ZNF273: variants seen among roughly 807,000 people sequenced by gnomAD.
The protein encoded by ZNF273 is zinc finger protein 9.
A neutral mutation model predicts 14.9 loss-of-function variants in ZNF273; 11 were observed. The ratio of observed to expected loss-of-function variants is 0.74; its 90% confidence interval spans 0.46 to 1.22. The LOEUF (loss-of-function observed/expected upper bound fraction) is 1.22, where lower values mean the gene tolerates loss of function less well. Ranked by LOEUF, ZNF273 falls within the 50% of genes most tolerant of loss-of-function variation. The probability of loss-of-function intolerance (pLI) is 0.00; values close to 1 mark genes in which losing one functional copy is unlikely to be tolerated. For synonymous variants in ZNF273, 199 were observed against 223.9 expected (o/e 0.89, Z 0.99); for missense variants, 577 against 660.6 (o/e 0.87, Z 1.39).
In ZNF273 at chr7:64,930,891, A is replaced by C. The variant is rs1406596079; in HGVS notation, c.*1853A>C. The C allele has an allele frequency of 6.6e-6, 1 of 152,132 alleles. No individual in the cohort carries two copies. The highest frequency in any genetic ancestry group is 1.5e-5 in the Non-Finnish European group (1 of 67,972). 9.4% of individuals were successfully genotyped at this position (152,132 alleles called of 1,614,324 possible). A position where few individuals can be genotyped will look rare whatever the true frequency, so the allele number is the denominator to read the frequency against. On this transcript the variant is annotated 3_prime_UTR_variant, in exon 4 of 4. Coordinates refer to ENST00000476120, the MANE Select transcript of ZNF273 (RefSeq NM_021148.3). The stretch of plus-strand genomic sequence containing the variant: ...TTTGTATTTTATTTTAAAATGTACA[A>C]CTAAATTGTTATGGACTACAGGGTT...
In ZNF273 at chr7:64,927,559, C is replaced by T. The variant is rs1179111974; in HGVS notation, c.326-95C>T. ...CTGTGGTATTTTGCTATACCATCTT[C>T]CTTATGTAGTTTGTATATTTTTATA... On this transcript the variant is annotated intron_variant, in intron 3 of 3. Coordinates refer to ENST00000476120, the MANE Select transcript of ZNF273 (RefSeq NM_021148.3). 1.3e-5 allele frequency: 14 copies of T among 1,095,168 alleles called. No individual in the cohort carries two copies. The South Asian group carries it at 1.7e-4, about 13-fold the overall frequency. The allele number at this position is 1,095,168 out of a possible 1,614,324, so 67.8% of individuals were successfully genotyped here. A position where few individuals can be genotyped will look rare whatever the true frequency, so the allele number is the denominator to read the frequency against.
chr7:64,889,535 C>A (rs1245314042), downstream of ZNF273: 13 of 985,698 alleles, frequency 1.3e-5, no homozygotes, highest in Non-Finnish European at 1.6e-5. The surrounding 1 kb of genome is among the most constrained non-coding windows in gnomAD (Gnocchi z 4.2). Context: ...CCTGGTGCCA[C>A]GCGGTCCTCT....
At chr7:64,878,169 C>T (rs1196625696) in intron 1 of ZNF273, among the ~76,000 whole-genome samples, 3 of 151,870 alleles carry the variant, frequency 2.0e-5, no homozygotes, top group East Asian at 1.9e-4. Flanking sequence ...GCTTGGGCTG[C>T]GGGGCGGCGT....
At chr7:64,903,220 C>T, upstream of ZNF273, 2 of 996,212 alleles carry the variant, frequency 2.0e-6, no homozygotes, top group Non-Finnish European at 3.0e-6. Flanking sequence ...CCCGTCCAAT[C>T]AGGCACGCAG....
chr7:64,914,182 ATTTTTTTTTTTTTT>A (rs375695781), intron 1 of ZNF273, among the ~76,000 whole-genome samples: 6 of 70,906 alleles, frequency 8.5e-5, no homozygotes, highest in East Asian at 3.7e-4. Context: ...TAATTTTTGT[ATTTTTTTTTTTTTT>A]TTTTTTTTTT....
intron 1 of ZNF273, among the ~76,000 whole-genome samples, chr7:64,905,848 C>A (rs1793081303): frequency 6.6e-6 from 1 of 152,140 alleles, no homozygotes; most frequent in African/African-American, 2.4e-5. Context: ...AAGATTTCTT[C>A]ACTTTTTTTG....
Position 64,928,897 on chromosome 7 carries a change from T to C in ZNF273, c.1569T>C (p.Phe523=). ...PYKCEECGKA[F]NRSSNLTRHK... is the part of the protein sequence containing the mutation. ...AATGTGAAGAATGTGGCAAAGCTTT[T>C]AACCGGTCCTCAAACCTTACTCGAC... Residue 523 remains phenylalanine (F), a synonymous_variant, in exon 4 of 4, where the codon TTT becomes TTC. Transcript: ENST00000476120. 1 of 1,614,048 alleles carries C rather than the reference T, an allele frequency of 6.2e-7. No homozygotes were observed. The highest frequency in any genetic ancestry group is 1.3e-5 in the African/African-American group (1 of 75,058).
downstream of ZNF273, among the ~76,000 whole-genome samples, chr7:64,882,055 C>T (rs1447507943): frequency 2.0e-5 from 3 of 152,240 alleles, no homozygotes; most frequent in East Asian, 1.9e-4. Flanking sequence ...CCAGATTGCC[C>T]GTGGGTGCTG....
rs1791599611 is a variant in ZNF273, at chr7:64,886,662, C to T, written n.274-1911C>T. ...GAGGTAATCCCCAATCTCCATAGTA[C>T]AATTGAGGAGACTGAGACCAAGGTG... On this transcript the variant is annotated intron_variant and non_coding_transcript_variant, in intron 1 of 1. Coordinates refer to the ZNF273 transcript ENST00000471926. 2.0e-5 allele frequency among the ~76,000 whole-genome samples: 3 copies of T among 152,180 alleles called. 1 individual carries two copies. The highest frequency in any genetic ancestry group is 1.3e-4 in the Admixed American group (2 of 15,276).
chr7:64,918,444 C>T (rs933527940), intron 3 of ZNF273, 152 bp downstream of exon 3: 16 of 620,428 alleles, frequency 2.6e-5, no homozygotes, highest in Non-Finnish European at 1.2e-5. Flanking sequence ...GGGCGGATCA[C>T]GAGGTCAAGA....
In ZNF273 at chr7:64,928,749, C is replaced by A; in HGVS notation, c.1421C>A (p.Thr474Asn). The change falls in exon 4 of 4, where the codon ACT becomes AAT. Residue 474 changes from threonine (T) to asparagine (N), a missense_variant. Thr to Asn is a moderately conservative substitution (Grantham distance 65). Transcript: ENST00000476120. ...GSAFRAFSTLTEHKRVHTGEK... is the reference protein window; with the variant it reads ...GSAFRAFSTLNEHKRVHTGEK... Reference sequence around the variant, plus strand: ...GCCTTTAGGGCATTCTCAACCCTTACTGAACATAAGAGAGTTCATACTGGA... The same window carrying A: ...GCCTTTAGGGCATTCTCAACCCTTAATGAACATAAGAGAGTTCATACTGGA... 1 of 1,613,418 alleles carries A rather than the reference C, an allele frequency of 6.2e-7. No individual in the cohort carries two copies. Among genetic ancestry groups the A allele is most frequent in the Non-Finnish European group, 8.5e-7 (1 of 1,179,810 alleles).
At chr7:64,883,091 T>G (rs1791338203), downstream of ZNF273, among the ~76,000 whole-genome samples, 1 of 152,084 alleles carries the variant, frequency 6.6e-6, no homozygotes, top group Non-Finnish European at 1.5e-5. Flanking sequence ...GGCCCGACCT[T>G]CTGGTACGCC....
At chr7:64,897,978 C>T (rs1005332110) in exon 4 of ZNF273, 11 of 152,020 alleles carry the variant, frequency 7.2e-5, no homozygotes, top group Admixed American at 5.2e-4. Context: ...CCTCCCGCCT[C>T]GGCCTCCCAA....
chr7:64,915,807 A>G (rs1157063786), intron 1 of ZNF273, among the ~76,000 whole-genome samples: 2 of 152,198 alleles, frequency 1.3e-5, no homozygotes, highest in African/African-American at 4.8e-5. Context: ...TTGGGGTTTC[A>G]TTTGTGTTCT....
chr7:64,928,098 C>T lies in ZNF273; in HGVS notation c.770C>T (p.Pro257Leu), dbSNP rs1396461205. ...SNLTKHKIIHPEVNPYKCEEC... is the reference protein window; with the variant it reads ...SNLTKHKIIHLEVNPYKCEEC... ...CTTACTAAACATAAGATAATTCATC[C>T]TGAAGTGAATCCCTACAAATGTGAA... The change falls in exon 4 of 4, where the codon CCT (proline) becomes CTT (leucine). Residue 257 changes from proline to leucine, a missense_variant. By Grantham distance (98) the Pro-to-Leu change is moderately conservative. Transcript: ENST00000476120. 14 of 1,613,428 alleles carry T rather than the reference C, an allele frequency of 8.7e-6. No individual in the cohort carries two copies. Among genetic ancestry groups the T allele is most frequent in the Non-Finnish European group, 1.2e-5 (14 of 1,179,616 alleles).
downstream of ZNF273, chr7:64,893,769 G>C (rs1394703102): frequency 6.7e-6 from 1 of 149,966 alleles, no homozygotes; most frequent in South Asian, 1.8e-4. Flanking sequence ...GGACAGCAGC[G>C]TACATGGTGA....
At chr7:64,905,239 C>T (rs1793017594) in intron 1 of ZNF273, among the ~76,000 whole-genome samples, 1 of 150,322 alleles carries the variant, frequency 6.7e-6, no homozygotes, top group Non-Finnish European at 1.5e-5. Context: ...TCTCAGCCTA[C>T]CAAGTAGCTG....
At chr7:64,912,825 A>ATTTTTTTTTTTTTTTTTTT (rs1562959126) in intron 1 of ZNF273, among the ~76,000 whole-genome samples, 1 of 16,848 alleles carries the variant, frequency 5.9e-5, no homozygotes, top group African/African-American at 8.5e-5. Context: ...GATTCATTTT[A>ATTTTTTTTTTTTTTTTTTT]GTTTTTTTTT....
At chr7:64,882,768 C>T (rs1269480394), downstream of ZNF273, 1 of 152,366 alleles carries the variant, frequency 6.6e-6, no homozygotes, top group Non-Finnish European at 1.5e-5. Context: ...GGCGTCAGGC[C>T]TGCCTAGACG....
Sources: gnomAD v4.1 joint callset for allele counts (sites outside exome capture counted in the v4.1 genomes callset) on GRCh38, gnomAD v4.1.1 for gene constraint, Gnocchi (gnomAD v3.1) non-coding constraint, MANE v1.5 for transcripts, NCBI Gene and HGNC (gene_info 2026-07-23, HGNC 2026-07-21) for gene names.